Variants in CYP2D6 observed in about 807,000 individuals in gnomAD.
CYP2D6 encodes cytochrome P450 2D6.
CYP2D6 carries 51 observed loss-of-function variants against 43.5 expected under a neutral mutation model. That is an observed-to-expected ratio of 1.17 (90% CI 0.94 to 1.48). The LOEUF is 1.48. CYP2D6 is among the 40% of genes most tolerant of loss of function. CYP2D6 has a pLI of 0.00. For missense variants in CYP2D6, 698 were observed against 688.0 expected (o/e 1.01, Z -0.16); for synonymous variants, 346 against 297.1 (o/e 1.16, Z -1.69).
intron 5 of CYP2D6, 50 bp downstream of exon 5, chr22:42,128,124 G>A (rs1244067515): frequency 1.9e-6 from 3 of 1,579,806 alleles, no homozygotes; most frequent in Non-Finnish European, 2.6e-6. Flanking sequence ...CATTCCTCCT[G>A]GGACGCTCAA....
In CYP2D6 at chr22:42,128,919, G is replaced by T. The variant is rs1188331763; in HGVS notation, c.531C>A (p.Leu177=). ...TCACGTTGCTCACGGCTTTGTCCAA[G>T]AGACCGTTGGGGCGAAAGGGGCGTC... ...HSGRPFRPNG[L]LDKAVSNVIA... The change falls in exon 4 of 9, where the codon CTC becomes CTA. Residue 177 remains leucine, a synonymous_variant. Coordinates refer to ENST00000645361, the MANE Select transcript of CYP2D6 (RefSeq NM_000106.6). 3.8e-6 allele frequency: 6 copies of T among 1,593,798 alleles called. 1 individual carries two copies. The highest frequency in any genetic ancestry group is 2.7e-5 in the African/African-American group (2 of 74,072).
At chr22:42,128,696 C>G (rs1346039513) in intron 4 of CYP2D6, 88 bp downstream of exon 4, 10 of 1,472,742 alleles carry the variant, frequency 6.8e-6, no homozygotes, top group African/African-American at 2.8e-5. Flanking sequence ...CCCATCTATG[C>G]AAATCCTGCT....
intron 4 of CYP2D6, 24 bp downstream of exon 4, chr22:42,128,760 A>G (rs746296803): frequency 8.8e-6 from 14 of 1,590,696 alleles, no homozygotes; most frequent in Admixed American, 1.7e-5. Flanking sequence ...CCCTGCAGAG[A>G]CTCCTCGGTC....
chr22:42,129,094 C>G lies in CYP2D6; in HGVS notation c.444G>C (p.Ser148=). 1 of 1,610,294 alleles carries G rather than the reference C, an allele frequency of 6.2e-7. No homozygotes were observed. Among genetic ancestry groups the G allele is most frequent in the South Asian group, 1.1e-5 (1 of 90,798 alleles). ...CCTCCTCGGTCACCCACTGCTCCAG[C>G]GACTTCTTGCCCAGGCCCAAGTTGC... The part of the protein sequence containing the change: ...TLRNLGLGKK[S]LEQWVTEEAA... The change falls in exon 3 of 9, where the codon TCG becomes TCC. Residue 148 remains serine (S), a synonymous_variant. Coordinates refer to ENST00000645361, the MANE Select transcript of CYP2D6 (RefSeq NM_000106.6).
chr22:42,129,328 C>T (rs1569026577), intron 2 of CYP2D6, 143 bp from the exon 3 acceptor site: 1 of 1,139,238 alleles, frequency 8.8e-7, no homozygotes, highest in Non-Finnish European at 1.3e-6. Flanking sequence ...TTTGTGCATC[C>T]ACCTTGCTCC....
Position 42,127,579 on chromosome 22 carries a change from C to T in CYP2D6, c.1041G>A (p.Met347Ile), listed in dbSNP as rs542114265. Residue 347 changes from methionine (M) to isoleucine (I), a missense_variant, in exon 7 of 9, where the codon ATG becomes ATA. By Grantham distance (10) the Met-to-Ile change is conservative (BLOSUM62 1). This residue lies in a region of CYP2D6 where 588 missense variants were observed against 521.1 expected (regional missense o/e 1.13). Coordinates refer to ENST00000645361, the MANE Select transcript of CYP2D6 (RefSeq NM_000106.6). ...DVIGQVRRPEMGDQAHMPYTT... is the reference protein window; with the variant it reads ...DVIGQVRRPEIGDQAHMPYTT... ...TGTAGGGCATGTGAGCCTGGTCACC[C>T]ATCTCTGGTCGCCGCACCTGCCCTA... 1 of 1,612,204 alleles carries T rather than the reference C, an allele frequency of 6.2e-7. No individual in the cohort carries two copies. The highest frequency in any genetic ancestry group is 1.1e-5 in the South Asian group (1 of 90,948).
chr22:42,127,276 G>A (rs1456059247), intron 7 of CYP2D6, among the ~76,000 whole-genome samples, 171 bp downstream of exon 7: 1 of 150,738 alleles, frequency 6.6e-6, no homozygotes, highest in African/African-American at 2.5e-5. Context: ...TGGATGGACA[G>A]GCCAGCCCTG....
chr22:42,127,900 G>A lies in CYP2D6; in HGVS notation c.927C>T (p.Thr309=), dbSNP rs1484157684. ...VADLFSAGMV[T]TSTTLAWGLL... ...GGCCCCAGGCCAGCGTGGTCGAGGT[G>A]GTCACCATCCCGGCAGAGAACAGGT... Residue 309 remains threonine (T), a synonymous_variant, in exon 6 of 9, where the codon ACC becomes ACT. Coordinates refer to ENST00000645361, the MANE Select transcript of CYP2D6 (RefSeq NM_000106.6). 6.2e-7 allele frequency: 1 copy of A among 1,611,044 alleles called. No homozygotes were observed. The highest frequency in any genetic ancestry group is 2.2e-5 in the East Asian group (1 of 44,760).
chr22:42,128,405 C>G, intron 4 of CYP2D6, 55 bp from the exon 5 acceptor site: 11 of 1,585,986 alleles, frequency 6.9e-6, no homozygotes, highest in South Asian at 2.2e-5. Context: ...TTCACCTGGA[C>G]AAGTCTCAGG....
At position 42,129,297 on chromosome 22, in the gene CYP2D6, A is replaced by G. The variant is rs267608306; in HGVS notation, c.353-112T>C. The G allele has an allele frequency of 3.8e-5, 51 of 1,352,686 alleles. 1 individual carries two copies. The Admixed American group carries it at 3.9e-4, about 10-fold the overall frequency. 83.8% of individuals were successfully genotyped at this position (1,352,686 alleles called of 1,614,324 possible). On this transcript the variant is annotated intron_variant, in intron 2 of 8. Coordinates refer to ENST00000645361, the MANE Select transcript of CYP2D6 (RefSeq NM_000106.6). ...TCTCCCGCAGTCCCTGGCTCTGTCC[A>G]GCTGGTCACAGGGCCCACTCTTTGT...
At chr22:42,129,302 G>T in intron 2 of CYP2D6, 117 bp from the exon 3 acceptor site, 1 of 1,321,570 alleles carries the variant, frequency 7.6e-7, no homozygotes, top group Non-Finnish European at 1.1e-6. Flanking sequence ...TGTCCAGCTG[G>T]TCACAGGGCC....
rs2146944956 is a variant in CYP2D6, at chr22:42,130,760, A to C, written c.32T>G (p.Val11Gly). The C allele has an allele frequency of 5.7e-6, 9 of 1,588,028 alleles. 1 individual carries two copies. Among genetic ancestry groups the C allele is most frequent in the Non-Finnish European group, 7.7e-6 (9 of 1,166,490 alleles). Residue 11 changes from valine (V) to glycine (G), a missense_variant, in exon 1 of 9, where the codon GTG becomes GGG. This residue lies in a region of CYP2D6 where 588 missense variants were observed against 521.1 expected (regional missense o/e 1.13). Transcript: ENST00000645361. MGLEALVPLA[V>G]IVAIFLLLVD... The stretch of plus-strand genomic sequence containing the variant: ...CAGGAGCAGGAAGATGGCCACTATC[A>C]CGGCCAGGGGCACCAGTGCTTCTAG...
At chr22:42,128,437 C>T in intron 4 of CYP2D6, 87 bp from the exon 5 acceptor site, 1 of 1,482,638 alleles carries the variant, frequency 6.7e-7, no homozygotes, top group Admixed American at 1.7e-5. Context: ...TCCAGGTAGA[C>T]CCAGGGCCTG....
intron 2 of CYP2D6, 65 bp downstream of exon 2, chr22:42,129,673 T>G: frequency 6.3e-7 from 1 of 1,594,384 alleles, no homozygotes; most frequent in African/African-American, 1.3e-5. Flanking sequence ...TCTGCCCAGC[T>G]CGGACTACGG....
intron 1 of CYP2D6, 25 bp downstream of exon 1, chr22:42,130,587 C>T (rs372642858): frequency 4.3e-5 from 65 of 1,527,940 alleles, no homozygotes; most frequent in Admixed American, 1.3e-4. Flanking sequence ...GCACCTCTGC[C>T]GCCCTCCAGG....
rs1292974542 is a variant in CYP2D6 at position 42,127,433 on chromosome 22, G to A, written c.1173+14C>T. 5.0e-6 allele frequency: 8 copies of A among 1,595,994 alleles called. No homozygotes were observed. The highest frequency in any genetic ancestry group is 6.0e-6 in the Non-Finnish European group (7 of 1,165,416). On this transcript the variant is annotated intron_variant, in intron 7 of 8. Transcript: ENST00000645361. ...GCTGGTGCTGAGCTGGGGTGAGGAG[G>A]GCGCCAGGCCTACCTTAGGGATGCG...
At chr22:42,130,225 T>G in intron 1 of CYP2D6, 2 of 505,462 alleles carry the variant, frequency 4.0e-6, no homozygotes, top group Non-Finnish European at 6.9e-6. Context: ...GTGCAAAAGG[T>G]TTGAACCGGG....
At chr22:42,130,485 C>T (rs1931923416) in intron 1 of CYP2D6, 127 bp downstream of exon 1, 3 of 1,112,016 alleles carry the variant, frequency 2.7e-6, no homozygotes, top group African/African-American at 1.6e-5. Flanking sequence ...TCCAGGACGT[C>T]CCCCAAACCT....
rs767893111 is a variant in CYP2D6 at position 42,128,900 on chromosome 22, T to G, written c.550A>C (p.Asn184His). The part of the protein sequence containing the change: ...PNGLLDKAVS[N>H]VIASLTCGRR... Reference sequence around the variant, plus strand: ...CCGCAGGTGAGGGAGGCGATCACGTTGCTCACGGCTTTGTCCAAGAGACCG... The same window carrying G: ...CCGCAGGTGAGGGAGGCGATCACGTGGCTCACGGCTTTGTCCAAGAGACCG... Residue 184 changes from asparagine to histidine, a missense_variant, in exon 4 of 9, where the codon AAC becomes CAC. Coordinates refer to ENST00000645361, the MANE Select transcript of CYP2D6 (RefSeq NM_000106.6). 6 of 1,595,068 alleles carry G rather than the reference T, an allele frequency of 3.8e-6. No individual in the cohort carries two copies. In the Admixed American group the frequency reaches 1.1e-4, roughly 28 times the overall value.
Sources: gnomAD v4.1 joint callset for allele counts (sites outside exome capture counted in the v4.1 genomes callset) on GRCh38, gnomAD v4.1.1 for gene constraint, gnomAD v4.1.1 regional missense constraint, MANE v1.5 for transcripts, NCBI Gene and HGNC (gene_info 2026-07-23, HGNC 2026-07-21) for gene names.